Variants in SCHIP1 observed in about 807,000 individuals in gnomAD.
SCHIP1 encodes the protein schwannomin-interacting protein 1.
A neutral mutation model predicts 29.7 loss-of-function variants in SCHIP1; 8 were observed. That is an observed-to-expected ratio of 0.27 (90% CI 0.16 to 0.49). SCHIP1 has a LOEUF of 0.49. Ranked by LOEUF, SCHIP1 falls within the 20% of genes least tolerant of loss-of-function variation. The probability of loss-of-function intolerance (pLI) is 0.99; values close to 1 mark genes in which losing one functional copy is unlikely to be tolerated. For synonymous variants in SCHIP1, 76 were observed against 94.9 expected, an observed-to-expected ratio of 0.80 and a Z score of 1.16; for missense variants, 193 against 294.6, an observed-to-expected ratio of 0.66 and a Z score of 2.52.
the SCHIP1 span, among the ~76,000 whole-genome samples, chr3:159,320,054 G>A: frequency 3.9e-5 from 6 of 152,202 alleles, no homozygotes; most frequent in East Asian, 3.8e-4. Flanking sequence ...ATCGGGTCAC[G>A]AAGACAGAGC....
chr3:159,309,715 C>A, the SCHIP1 span, among the ~76,000 whole-genome samples: 1 of 152,028 alleles, frequency 6.6e-6, no homozygotes, highest in Non-Finnish European at 1.5e-5. Context: ...ATTATTTATC[C>A]CTTGACCTGC....
the SCHIP1 span, among the ~76,000 whole-genome samples, chr3:159,684,705 G>A: frequency 7.6e-4 from 116 of 151,830 alleles, no homozygotes; most frequent in African/African-American, 2.5e-3. Context: ...TCAGGGGGCT[G>A]AGGCAGGAGA....
At chr3:159,566,704 G>A in the SCHIP1 span, among the ~76,000 whole-genome samples, 1 of 152,222 alleles carries the variant, frequency 6.6e-6, no homozygotes, top group African/African-American at 2.4e-5. Flanking sequence ...TGTGCCAGGT[G>A]TGTCCTAGAA....
intron 1 of SCHIP1, chr3:159,840,261 A>G: frequency 1.4e-6 from 2 of 1,476,954 alleles, no homozygotes; most frequent in Non-Finnish European, 1.8e-6. Flanking sequence ...TTGGGAGAGG[A>G]GGCCTTCCTC....
At chr3:159,426,080 A>G in the SCHIP1 span, among the ~76,000 whole-genome samples, 1 of 151,992 alleles carries the variant, frequency 6.6e-6, no homozygotes, top group South Asian at 2.1e-4. Context: ...AATGCCCACA[A>G]GAGAAAGCAG....
At chr3:159,587,591 G>T in the SCHIP1 span, among the ~76,000 whole-genome samples, 1 of 152,088 alleles carries the variant, frequency 6.6e-6, no homozygotes, top group African/African-American at 2.4e-5. Context: ...TTTACATTAG[G>T]TATATCTCCT....
rs1020247515 is a variant in SCHIP1 at position 159,861,292 on chromosome 3, G to A, written c.31-4871G>A. On this transcript the variant is annotated intron_variant, in intron 1 of 6. Transcript: ENST00000445224. The surrounding 1 kb of genome is among the most constrained non-coding windows in gnomAD (Gnocchi z 4.1). ...AAGGGATGGGGCCATGCCATATGCC[G>A]AAAAAAAGGGTGGAAAGGTCCTGGG... 4.6e-5 allele frequency among the ~76,000 whole-genome samples: 7 copies of A among 151,946 alleles called. No individual in the cohort carries two copies. Among genetic ancestry groups the A allele is most frequent in the South Asian group, 2.1e-4 (1 of 4,806 alleles).
chr3:159,708,006 C>T, the SCHIP1 span, among the ~76,000 whole-genome samples: 3 of 152,128 alleles, frequency 2.0e-5, no homozygotes, highest in Non-Finnish European at 1.5e-5. Context: ...TTCTATTCTT[C>T]CTCCCTCTCT....
the SCHIP1 span, chr3:159,398,987 A>G: frequency 1.0e-6 from 1 of 977,702 alleles, no homozygotes; most frequent in South Asian, 4.7e-5. Flanking sequence ...AGCCCAGCCC[A>G]GAGAACTGTT....
chr3:159,391,944 G>C, the SCHIP1 span, among the ~76,000 whole-genome samples: 7 of 152,182 alleles, frequency 4.6e-5, no homozygotes, highest in Non-Finnish European at 1.0e-4. Flanking sequence ...ATGTCAGACT[G>C]TGTTTTTGGG....
At chr3:159,675,305 A>G in the SCHIP1 span, among the ~76,000 whole-genome samples, 56 of 152,202 alleles carry the variant, frequency 3.7e-4, no homozygotes, top group Admixed American at 1.2e-3. Flanking sequence ...CATATATTAA[A>G]TTACACAGTC....
the SCHIP1 span, among the ~76,000 whole-genome samples, chr3:159,373,880 T>A: frequency 6.6e-6 from 1 of 152,180 alleles, no homozygotes; most frequent in Non-Finnish European, 1.5e-5. Context: ...ACTGTTGCAA[T>A]GAACAGGAGC....
chr3:159,718,482 C>A, the SCHIP1 span, among the ~76,000 whole-genome samples: 2 of 152,094 alleles, frequency 1.3e-5, no homozygotes. Flanking sequence ...TTTAGAAAAC[C>A]CCATCGTCTC....
At chr3:159,553,967 C>CGTGTGTGTGTGTGTGT in the SCHIP1 span, among the ~76,000 whole-genome samples, 8 of 115,796 alleles carry the variant, frequency 6.9e-5, no homozygotes, top group African/African-American at 1.7e-4. Context: ...CGCCCAGCTA[C>CGTGTGTGTGTGTGTGT]GTGTGTGTGT....
the SCHIP1 span, among the ~76,000 whole-genome samples, chr3:159,705,124 C>T: frequency 7.9e-5 from 12 of 151,890 alleles, no homozygotes; most frequent in East Asian, 1.9e-4. Context: ...CCACCACGCC[C>T]GGCTAATTTT....
At chr3:159,717,207 G>C in the SCHIP1 span, among the ~76,000 whole-genome samples, 1 of 152,124 alleles carries the variant, frequency 6.6e-6, no homozygotes, top group African/African-American at 2.4e-5. Flanking sequence ...CAACATACCA[G>C]AATCTCTGGG....
chr3:159,858,546 A>T (rs1713668616), intron 1 of SCHIP1, among the ~76,000 whole-genome samples: 2 of 152,222 alleles, frequency 1.3e-5, no homozygotes, highest in Admixed American at 6.5e-5. Flanking sequence ...TCCCTGTAGC[A>T]TAAGAAGGAA....
upstream of SCHIP1, among the ~76,000 whole-genome samples, chr3:159,835,830 A>G (rs989462718): frequency 6.6e-6 from 1 of 152,162 alleles, no homozygotes; most frequent in Non-Finnish European, 1.5e-5. Flanking sequence ...CTGAGGATGT[A>G]ACTTTTTACT....
the SCHIP1 span, among the ~76,000 whole-genome samples, chr3:159,654,769 A>T: frequency 2.0e-5 from 3 of 149,964 alleles, no homozygotes; most frequent in East Asian, 5.8e-4. Flanking sequence ...TTGAAAAATG[A>T]AGCTACTTTA....
Sources: gnomAD v4.1 joint callset for allele counts (sites outside exome capture counted in the v4.1 genomes callset) on GRCh38, gnomAD v4.1.1 for gene constraint, Gnocchi (gnomAD v3.1) non-coding constraint, MANE v1.5 for transcripts, NCBI Gene and HGNC (gene_info 2026-07-23, HGNC 2026-07-21) for gene names.